POTEF: variants seen among roughly 807,000 people sequenced by gnomAD.
POTEF encodes ANKRD26-like family C member 1B.
A neutral mutation model predicts 83.2 loss-of-function variants in POTEF; 20 were observed. The ratio of observed to expected loss-of-function variants is 0.24; its 90% CI spans 0.17 to 0.35. The LOEUF is 0.35. Ranked by LOEUF, POTEF falls within the 10% of genes least tolerant of loss-of-function variation. The pLI is 1.00. For missense variants in POTEF, 550 were observed against 1,203.2 expected, an observed-to-expected ratio of 0.46 and a Z score of 8.03; for synonymous variants, 196 against 446.4, an observed-to-expected ratio of 0.44 and a Z score of 7.07.
intron 2 of POTEF, among the ~76,000 whole-genome samples, chr2:130,124,782 A>AG (rs201369344): frequency 0.07 from 8,650 of 123,974 alleles, 416 homozygotes; most frequent in Non-Finnish European, 0.11. Context: ...AAGGAGTCCC[A>AG]GGTTGTCAGA....
chr2:130,101,582 A>G lies in POTEF; in HGVS notation c.1197+528T>C, dbSNP rs2259645. Among the ~76,000 whole-genome samples, 13 of 150,238 alleles carry G rather than the reference A, an allele frequency of 8.7e-5. No individual in the cohort carries two copies. In the East Asian group the frequency reaches 1.2e-3, roughly 13 times the overall value. On this transcript the variant is annotated intron_variant, in intron 9 of 16. Coordinates refer to ENST00000409914, the MANE Select transcript of POTEF (RefSeq NM_001099771.2). ...GAATATATTTTTAAGCTTGGTATCA[A>G]TGACTGACAATATAAAACTGCAGAT...
At chr2:130,128,690 G>A (rs1415017629) in intron 1 of POTEF, among the ~76,000 whole-genome samples, 3 of 151,894 alleles carry the variant, frequency 2.0e-5, no homozygotes, top group Admixed American at 6.5e-5. Context: ...TCCTGATAGC[G>A]CACCCTGAGT....
intron 2 of POTEF, among the ~76,000 whole-genome samples, 160 bp downstream of exon 2, chr2:130,127,549 C>T (rs1459013994): frequency 9.9e-5 from 15 of 151,368 alleles, no homozygotes; most frequent in African/African-American, 2.2e-4. Context: ...CACCCCAGGT[C>T]GGACTGGGCC....
At chr2:130,118,560 G>T (rs1684905471) in intron 3 of POTEF, among the ~76,000 whole-genome samples, 1 of 150,324 alleles carries the variant, frequency 6.7e-6, no homozygotes, top group Non-Finnish European at 1.5e-5. Flanking sequence ...AGCCAGGCGT[G>T]GTGGCAGGCG....
chr2:130,103,289 G>A (rs1354464899), intron 8 of POTEF, among the ~76,000 whole-genome samples: 1 of 150,142 alleles, frequency 6.7e-6, no homozygotes, highest in African/African-American at 2.5e-5. Flanking sequence ...TTTTAGTAGA[G>A]ACGGGGTTTC....
intron 9 of POTEF, among the ~76,000 whole-genome samples, chr2:130,101,146 T>C (rs1435976474): frequency 1.5e-5 from 2 of 133,508 alleles, no homozygotes; most frequent in East Asian, 4.1e-4. Flanking sequence ...CCCTAACTAG[T>C]GAGCCCCTAC....
intron 8 of POTEF, among the ~76,000 whole-genome samples, chr2:130,104,601 T>C (rs937684624): frequency 6.6e-6 from 1 of 151,612 alleles, no homozygotes. Context: ...AACTATGACA[T>C]GAAGTCAAGC....
Position 130,112,004 on chromosome 2 carries a change from C to G in POTEF, c.908G>C (p.Arg303Thr), listed in dbSNP as rs760631227. ...AAAGAAAGAACTATACCTTCCATAT[C>G]TATCCAGTGCATTTAAATTCGCTTT... ...KKKANLNALDRYGRTALILAV... is the reference protein window; with the variant it reads ...KKKANLNALDTYGRTALILAV... Residue 303 changes from arginine (R) to threonine (T), a missense_variant, in exon 6 of 17, where the codon AGA (arginine) becomes ACA (threonine). Transcript: ENST00000409914. 1.9e-6 allele frequency: 3 copies of G among 1,554,390 alleles called. No homozygotes were observed. The highest frequency in any genetic ancestry group is 1.7e-6 in the Non-Finnish European group (2 of 1,155,204).
chr2:130,097,209 AAATTGTGAT>A, intron 11 of POTEF, among the ~76,000 whole-genome samples: 1 of 102,440 alleles, frequency 9.8e-6, no homozygotes, highest in Non-Finnish European at 1.8e-5. Context: ...TTACAGAAAA[AAATTGTGAT>A]AATCTTGAGG....
rs554264278 is a variant in POTEF, at chr2:130,079,564, TAAAAG to T, written c.1779-2368_1779-2364del. 7.3e-4 allele frequency among the ~76,000 whole-genome samples: 62 copies of T among 84,378 alleles called. 23 individuals are homozygous for T. The highest frequency in any genetic ancestry group is 2.7e-3 in the African/African-American group (56 of 20,560). 55.4% of individuals were successfully genotyped at this position (84,378 alleles called of 152,430 possible). A position where few individuals can be genotyped will look rare whatever the true frequency, so the allele number is the denominator to read the frequency against. ...CTCATTTCCAGATATCTACATAAAATAAAAGAAATCATACTCTCAAAAGGACACCC... is the reference window on the plus strand; with the variant it reads ...CTCATTTCCAGATATCTACATAAAATAAATCATACTCTCAAAAGGACACCC... On this transcript the variant is annotated intron_variant, in intron 15 of 16. Transcript: ENST00000409914.
intron 3 of POTEF, among the ~76,000 whole-genome samples, chr2:130,116,370 C>CA (rs1684844587): frequency 6.7e-6 from 1 of 148,750 alleles, no homozygotes; most frequent in African/African-American, 2.5e-5. Flanking sequence ...TTCAGGGGTA[C>CA]ACGTGCCAGA....
intron 2 of POTEF, among the ~76,000 whole-genome samples, chr2:130,127,027 A>C (rs1489907999): frequency 6.6e-6 from 1 of 152,044 alleles, no homozygotes; most frequent in African/African-American, 2.4e-5. Context: ...ACAACAAAAA[A>C]GAAGGAAAAA....
intron 6 of POTEF, among the ~76,000 whole-genome samples, chr2:130,111,776 TAACA>T (rs1430801347): frequency 1.4e-5 from 2 of 147,534 alleles, no homozygotes; most frequent in East Asian, 2.0e-4. Context: ...AAATGTCACA[TAACA>T]AATAACATCA....
At chr2:130,127,087 C>T (rs1030671435) in intron 2 of POTEF, among the ~76,000 whole-genome samples, 2 of 151,744 alleles carry the variant, frequency 1.3e-5, no homozygotes, top group African/African-American at 4.9e-5. Flanking sequence ...TTTGGGAGGC[C>T]AAGGTGGGTG....
chr2:130,127,351 A>AAAAAAAAG (rs1685123552), intron 2 of POTEF, among the ~76,000 whole-genome samples: 3 of 138,004 alleles, frequency 2.2e-5, no homozygotes, highest in African/African-American at 8.8e-5. Flanking sequence ...AAAAAAAAAA[A>AAAAAAAAG]GCCACACACA....
chr2:130,126,530 T>C (rs1573620141), intron 2 of POTEF, among the ~76,000 whole-genome samples: 2 of 152,246 alleles, frequency 1.3e-5, no homozygotes, highest in East Asian at 3.9e-4. Context: ...AGCCCATTTA[T>C]GCCAGAGGCT....
intron 8 of POTEF, among the ~76,000 whole-genome samples, chr2:130,103,363 T>G (rs565446428): frequency 6.6e-6 from 1 of 150,886 alleles, no homozygotes; most frequent in African/African-American, 2.5e-5. Context: ...CCTCCCAAAA[T>G]GCTGGGATTA....
chr2:130,105,472 T>A (rs1331013688), intron 8 of POTEF, among the ~76,000 whole-genome samples: 1 of 151,730 alleles, frequency 6.6e-6, no homozygotes, highest in Admixed American at 6.6e-5. Flanking sequence ...TTTCTTTACA[T>A]GGTAAAGAAC....
chr2:130,107,119 C>T (rs3100071), intron 8 of POTEF, among the ~76,000 whole-genome samples: 68,964 of 123,632 alleles, frequency 0.56, 20,474 homozygotes, highest in Admixed American at 0.66. Flanking sequence ...TTTTTGTTAG[C>T]GTGAAACGTT....
Sources: allele counts gnomAD v4.1 joint callset (sites outside exome capture counted in the v4.1 genomes callset), GRCh38; gene constraint gnomAD v4.1.1; transcripts MANE v1.5; gene names NCBI Gene and HGNC (gene_info 2026-07-23, HGNC 2026-07-21).